WDPCP: variants seen among roughly 807,000 people sequenced by gnomAD.
The protein encoded by WDPCP is WD repeat containing planar cell polarity effector, also known as WD repeat-containing and planar cell polarity effector protein fritz homolog.
WDPCP carries 71 observed loss-of-function variants against 93.1 expected under a neutral mutation model. The ratio of observed to expected loss-of-function variants is 0.76; its 90% CI spans 0.63 to 0.93. WDPCP has a LOEUF of 0.93. Ranked by LOEUF, WDPCP falls within the 40% of genes least tolerant of loss-of-function variation. WDPCP has a pLI of 0.00. For missense variants in WDPCP, 844 were observed against 887.4 expected, an observed-to-expected ratio of 0.95 and a Z score of 0.62; for synonymous variants, 315 against 315.0, an observed-to-expected ratio of 1.00 and a Z score of 0.00.
chr2:63,347,853 A>G (rs547574828), intron 12 of WDPCP, among the ~76,000 whole-genome samples: 1 of 152,110 alleles, frequency 6.6e-6, no homozygotes, highest in African/African-American at 2.4e-5. Flanking sequence ...AGGGACCTAA[A>G]CTTCTGTCAT....
intron 3 of WDPCP, among the ~76,000 whole-genome samples, chr2:63,617,166 ATAAGAGATAATTAACCATGTTT>A (rs1234230356): frequency 3.9e-5 from 6 of 152,228 alleles, no homozygotes; most frequent in Admixed American, 6.5e-5. Flanking sequence ...TCTTGCAGCC[ATAAGAGATAATTAACCATGTTT>A]TAATGTATTT....
chr2:63,681,479 G>A (rs1481228099), intron 2 of WDPCP, among the ~76,000 whole-genome samples: 3 of 152,200 alleles, frequency 2.0e-5, no homozygotes, highest in African/African-American at 7.2e-5. Flanking sequence ...GGTAGGAAGA[G>A]TGGGAAGGAC....
chr2:63,606,094 A>G, intron 3 of WDPCP: 1 of 1,422,396 alleles, frequency 7.0e-7, no homozygotes, highest in Non-Finnish European at 9.9e-7. Flanking sequence ...TAAGAATGGT[A>G]TTATTGGCCA....
At chr2:63,437,691 T>C in intron 7 of WDPCP, 137 bp from the exon 8 acceptor site, 1 of 1,046,080 alleles carries the variant, frequency 9.6e-7, no homozygotes, top group South Asian at 1.8e-5. Context: ...CATTATAGCA[T>C]TTTATAAAAA....
chr2:63,522,613 C>T (rs185394219), intron 1 of WDPCP, among the ~76,000 whole-genome samples: 8 of 152,062 alleles, frequency 5.3e-5, no homozygotes, highest in East Asian at 3.9e-4. Context: ...AACACAATCA[C>T]GAATGACAAA....
At chr2:63,618,252 G>A (rs1392519215) in intron 3 of WDPCP, among the ~76,000 whole-genome samples, 2 of 152,204 alleles carry the variant, frequency 1.3e-5, no homozygotes, top group African/African-American at 2.4e-5. Context: ...AGCCAGCACA[G>A]AGTGGAATGA....
intron 1 of WDPCP, among the ~76,000 whole-genome samples, chr2:63,516,713 T>C (rs1268040572): frequency 1.3e-5 from 2 of 152,184 alleles, no homozygotes; most frequent in Non-Finnish European, 2.9e-5. Context: ...TGAGCCACAA[T>C]GGCCTATCTG....
chr2:63,627,685 C>A (rs933621849), intron 3 of WDPCP, among the ~76,000 whole-genome samples: 3 of 152,172 alleles, frequency 2.0e-5, no homozygotes, highest in Non-Finnish European at 2.9e-5. Flanking sequence ...GAGCAGAGTC[C>A]CTCCAGAGAC....
chr2:63,712,137 A>G (rs1423255676), intron 2 of WDPCP, among the ~76,000 whole-genome samples: 1 of 152,308 alleles, frequency 6.6e-6, no homozygotes, highest in African/African-American at 2.4e-5. Context: ...TAGTCATATG[A>G]GCTTCGCACA....
intron 2 of WDPCP, among the ~76,000 whole-genome samples, chr2:63,801,784 A>G (rs541155752): frequency 6.6e-6 from 1 of 152,300 alleles, no homozygotes; most frequent in South Asian, 2.1e-4. Context: ...CCCTACCCAG[A>G]AAGTCCAGCT....
intron 1 of WDPCP, among the ~76,000 whole-genome samples, chr2:63,574,635 T>C (rs1575679212): frequency 6.6e-6 from 1 of 152,156 alleles, no homozygotes. Flanking sequence ...TCAATTACTC[T>C]ACTGAAGCTA....
chr2:63,596,605 AT>A (rs1281727720), intron 3 of WDPCP, among the ~76,000 whole-genome samples: 3 of 151,596 alleles, frequency 2.0e-5, no homozygotes, highest in Non-Finnish European at 2.9e-5. Flanking sequence ...GAGGAAGATA[AT>A]TTTTTTTTCT....
intron 1 of WDPCP, among the ~76,000 whole-genome samples, chr2:63,582,473 G>A (rs1303294305): frequency 6.6e-6 from 1 of 152,028 alleles, no homozygotes. Context: ...AACAGCGCAA[G>A]AATCGAAGAG....
Position 63,720,303 on chromosome 2 carries a change from G to A in WDPCP, n.309-69465C>T, listed in dbSNP as rs1048762127. Reference sequence around the variant, plus strand: ...ATGGCGGTGTGCGCCTGTAGTCCCAGCTACTCGGGAGGCTGAGGCAGAAGA... The same window carrying A: ...ATGGCGGTGTGCGCCTGTAGTCCCAACTACTCGGGAGGCTGAGGCAGAAGA... On this transcript the variant is annotated intron_variant and non_coding_transcript_variant, in intron 2 of 4. Transcript: ENST00000467687. Among the ~76,000 whole-genome samples the A allele has an allele frequency of 9.9e-5, 15 of 151,718 alleles. 1 individual carries two copies. Among genetic ancestry groups the A allele is most frequent in the Admixed American group, 9.8e-4 (15 of 15,240 alleles).
chr2:63,676,006 T>C (rs574443158), intron 2 of WDPCP, among the ~76,000 whole-genome samples: 8 of 152,344 alleles, frequency 5.3e-5, no homozygotes, highest in African/African-American at 1.9e-4. Flanking sequence ...ATATATTTTC[T>C]CTAGGACTAA....
intron 1 of WDPCP, among the ~76,000 whole-genome samples, chr2:63,523,287 G>T (rs988775430): frequency 3.9e-5 from 6 of 152,120 alleles, no homozygotes; most frequent in African/African-American, 1.4e-4. Context: ...CAACAAACTA[G>T]GCATCAAAAG....
At chr2:63,506,204 C>CT (rs1003197084) in intron 1 of WDPCP, among the ~76,000 whole-genome samples, 2 of 151,934 alleles carry the variant, frequency 1.3e-5, no homozygotes, top group Non-Finnish European at 1.5e-5. Context: ...TATAGTGTTG[C>CT]TTTTTTTCAT....
At chr2:63,411,446 G>A (rs1488692634) in intron 9 of WDPCP, among the ~76,000 whole-genome samples, 7 of 152,072 alleles carry the variant, frequency 4.6e-5, no homozygotes, top group African/African-American at 1.4e-4. Flanking sequence ...AGCAGAAACT[G>A]ACATTCTAAG....
chr2:63,714,794 A>C (rs150394257), intron 2 of WDPCP, among the ~76,000 whole-genome samples: 1,526 of 152,312 alleles, frequency 0.01, 15 homozygotes, highest in Non-Finnish European at 0.016. Context: ...GCACCACTGC[A>C]CTCCAGCCTG....
Sources: allele counts gnomAD v4.1 joint callset (sites outside exome capture counted in the v4.1 genomes callset), GRCh38; gene constraint gnomAD v4.1.1; transcripts MANE v1.5; gene names NCBI Gene and HGNC (gene_info 2026-07-23, HGNC 2026-07-21).